PDC: variants seen among roughly 807,000 people sequenced by gnomAD.
PDC encodes the protein phosducin.
In PDC, 19 loss-of-function variants were observed where a neutral mutation model predicts 22.2. That is an observed-to-expected ratio of 0.86 (90% CI 0.60 to 1.26). The LOEUF (loss-of-function observed/expected upper bound fraction) is 1.26, where lower values mean the gene tolerates loss of function less well. Among genes scored for constraint, PDC ranks in the 50% most tolerant of loss-of-function variants. PDC has a pLI of 0.00. For missense variants in PDC, 274 were observed against 286.8 expected (o/e 0.96, Z 0.32); for synonymous variants, 97 against 96.2 (o/e 1.01, Z -0.05).
chr1:186,455,659 C>T (rs910378092), intron 1 of PDC, among the ~76,000 whole-genome samples: 1 of 151,600 alleles, frequency 6.6e-6, no homozygotes, highest in Admixed American at 6.6e-5. Flanking sequence ...CACAGAAGAG[C>T]CCACAAAAAT....
intron 1 of PDC, among the ~76,000 whole-genome samples, chr1:186,455,334 A>G (rs966672190): frequency 2.0e-5 from 3 of 152,084 alleles, no homozygotes; most frequent in Non-Finnish European, 4.4e-5. Flanking sequence ...CAAAGCCCCT[A>G]TTTCTAAATA....
Position 186,444,467 on chromosome 1 carries a change from C to G in PDC, c.253G>C (p.Glu85Gln). 6.2e-7 allele frequency: 1 copy of G among 1,607,910 alleles called. No homozygotes were observed. Among genetic ancestry groups the G allele is most frequent in the African/African-American group, 1.3e-5 (1 of 74,938 alleles). ...QEYELIHKEK[E>Q]DENCLRKYRR... ...TATTTACGAAGGCAGTTTTCATCCT[C>G]TTTCTCTTTATGGATTAGTTCATAT... The change falls in exon 4 of 4, where the codon GAG (glutamate) becomes CAG (glutamine). Residue 85 changes from glutamate to glutamine, a missense_variant. Transcript: ENST00000391997.
At chr1:186,453,327 T>C (rs1006457660) in intron 1 of PDC, among the ~76,000 whole-genome samples, 1 of 152,176 alleles carries the variant, frequency 6.6e-6, no homozygotes, top group African/African-American at 2.4e-5. Flanking sequence ...GTAAAATTTT[T>C]ACGCATTAGT....
intron 1 of PDC, among the ~76,000 whole-genome samples, chr1:186,454,264 C>G (rs980537903): frequency 8.0e-5 from 12 of 150,806 alleles, no homozygotes; most frequent in Middle Eastern, 3.4e-3. Flanking sequence ...CTTCTGCCTC[C>G]CGGGTCCCTG....
intron 1 of PDC, among the ~76,000 whole-genome samples, chr1:186,459,752 GTATATATATATA>G (rs56927589): frequency 0.01 from 1,146 of 112,116 alleles, 24 homozygotes; most frequent in African/African-American, 0.03. Flanking sequence ...GTGTGTGTGT[GTATATATATATA>G]TATATATATA....
In PDC at chr1:186,443,896, TG is replaced by T; in HGVS notation, c.*82del. ...TTAGCATAGCCGTGCCCATACTCTG[TG>T]TTCACTAAAGCAATATAGATACTAC... is the stretch of plus-strand genomic sequence containing the variant. On this transcript the variant is annotated 3_prime_UTR_variant, in exon 4 of 4. Coordinates refer to ENST00000391997, the MANE Select transcript of PDC (RefSeq NM_002597.5). 2.1e-6 allele frequency: 2 copies of T among 970,428 alleles called. No individual in the cohort carries two copies. The highest frequency in any genetic ancestry group is 3.2e-6 in the Non-Finnish European group (2 of 633,718). The allele number at this position is 970,428 out of a possible 1,614,324, so 60.1% of individuals were successfully genotyped here.
At chr1:186,454,808 T>A (rs1391370220) in intron 1 of PDC, among the ~76,000 whole-genome samples, 1 of 152,236 alleles carries the variant, frequency 6.6e-6, no homozygotes, top group Non-Finnish European at 1.5e-5. Flanking sequence ...ATTAATCCTA[T>A]ATTCCAAACA....
intron 3 of PDC, among the ~76,000 whole-genome samples, chr1:186,446,030 A>C (rs755705828): frequency 1.3e-5 from 2 of 152,226 alleles, no homozygotes; most frequent in Non-Finnish European, 2.9e-5. Context: ...GTTTAACCTT[A>C]GCATAAAATT....
chr1:186,454,657 A>G (rs1662421049), intron 1 of PDC, among the ~76,000 whole-genome samples: 1 of 152,212 alleles, frequency 6.6e-6, no homozygotes, highest in Non-Finnish European at 1.5e-5. Context: ...TATACATAAA[A>G]GTAAAGCTAG....
chr1:186,460,319 T>A (rs1662557577), intron 1 of PDC, among the ~76,000 whole-genome samples: 1 of 152,212 alleles, frequency 6.6e-6, no homozygotes, highest in Admixed American at 6.5e-5. Flanking sequence ...CTGCTCTCTC[T>A]GGCCTGGAAC....
At chr1:186,448,605 T>G (rs1662285079) in intron 2 of PDC, 1 of 644,158 alleles carries the variant, frequency 1.6e-6, no homozygotes, top group African/African-American at 2.0e-5. Flanking sequence ...CCTTCCTTCC[T>G]TTTTATAAAT....
intron 2 of PDC, among the ~76,000 whole-genome samples, chr1:186,448,270 G>A (rs559591847): frequency 1.3e-5 from 2 of 152,258 alleles, no homozygotes; most frequent in Admixed American, 6.5e-5. Context: ...CAATGTATGA[G>A]GGTGCCAAAA....
At chr1:186,449,623 CAGTGGTAAAGTA>C (rs1378698495) in intron 1 of PDC, 140 bp from the exon 2 acceptor site, 6 of 457,620 alleles carry the variant, frequency 1.3e-5, no homozygotes, top group Non-Finnish European at 2.0e-5. Flanking sequence ...GATAATCACT[CAGTGGTAAAGTA>C]AGTGGTAAAG....
chr1:186,444,216 A>C lies in PDC; in HGVS notation c.504T>G (p.Cys168Trp). The change falls in exon 4 of 4, where the codon TGT (cysteine) becomes TGG (tryptophan). Residue 168 changes from cysteine (C) to tryptophan (W), a missense_variant. Transcript: ENST00000391997. The stretch of plus-strand genomic sequence containing the variant: ...CACCTGTATTCGAAGCTTTTATTTT[A>C]CAAAACTTAACTATAGGGTATTCTG... ...LAAEYPIVKF[C>W]KIKASNTGAG... 6.2e-7 allele frequency: 1 copy of C among 1,614,056 alleles called. No homozygotes were observed. Among genetic ancestry groups the C allele is most frequent in the Non-Finnish European group, 8.5e-7 (1 of 1,179,934 alleles).
At chr1:186,455,994 A>AATAT (rs71104863) in intron 1 of PDC, among the ~76,000 whole-genome samples, 24 of 77,072 alleles carry the variant, frequency 3.1e-4, no homozygotes, top group Admixed American at 1.3e-3. Context: ...AAAAAAAAAA[A>AATAT]ATATATATAT....
intron 2 of PDC, chr1:186,448,655 G>A (rs1662286314): frequency 1.1e-6 from 1 of 940,014 alleles, no homozygotes; most frequent in African/African-American, 1.8e-5. Context: ...TTTTGTTGTT[G>A]TTTTTGTTTT....
Position 186,444,180 on chromosome 1 carries a change from G to C in PDC, c.540C>G (p.Arg180=), listed in dbSNP as rs766659596. 2 of 1,613,606 alleles carry C rather than the reference G, an allele frequency of 1.2e-6. No homozygotes were observed. The highest frequency in any genetic ancestry group is 2.7e-5 in the African/African-American group (2 of 74,918). ...GTGTAGGAAGTACATCTAAGGAAAA[G>C]CGGTCCCCAGCACCTGTATTCGAAG... ...IKASNTGAGD[R]FSLDVLPTLL... is the part of the protein sequence containing the mutation. The change falls in exon 4 of 4, where the codon CGC becomes CGG. Residue 180 remains arginine (R), a synonymous_variant. Coordinates refer to ENST00000391997, the MANE Select transcript of PDC (RefSeq NM_002597.5).
At chr1:186,460,545 T>C (rs1662561820) in intron 1 of PDC, among the ~76,000 whole-genome samples, 1 of 152,196 alleles carries the variant, frequency 6.6e-6, no homozygotes, top group African/African-American at 2.4e-5. Context: ...TAAATTAAAC[T>C]TTATCACAGG....
intron 1 of PDC, among the ~76,000 whole-genome samples, chr1:186,454,355 T>A (rs1354488143): frequency 6.6e-6 from 1 of 151,932 alleles, no homozygotes; most frequent in Non-Finnish European, 1.5e-5. Context: ...ATTTTTGTAT[T>A]TTTAGTAGAC....
Sources: allele counts gnomAD v4.1 joint callset (sites outside exome capture counted in the v4.1 genomes callset), GRCh38; gene constraint gnomAD v4.1.1; transcripts MANE v1.5; gene names NCBI Gene and HGNC (gene_info 2026-07-23, HGNC 2026-07-21).